Variants in PCDHGA12 observed in about 807,000 individuals in gnomAD.
PCDHGA12 encodes protocadherin gamma subfamily A, 12.
In PCDHGA12, 43 loss-of-function variants were observed where a neutral mutation model predicts 61.1. That is an observed-to-expected ratio of 0.70 (90% CI 0.55 to 0.91). The LOEUF is 0.91. Ranked by LOEUF, PCDHGA12 falls within the 40% of genes least tolerant of loss-of-function variation. The probability of loss-of-function intolerance (pLI) is 0.00; values close to 1 mark genes in which losing one functional copy is unlikely to be tolerated. For synonymous variants in PCDHGA12, 520 were observed against 542.9 expected, an observed-to-expected ratio of 0.96 and a Z score of 0.59; for missense variants, 1,236 against 1,227.7, an observed-to-expected ratio of 1.01 and a Z score of -0.10.
intron 3 of PCDHGA12, among the ~76,000 whole-genome samples, chr5:141,509,335 G>C (rs113423267): frequency 6.6e-6 from 1 of 152,144 alleles, no homozygotes; most frequent in African/African-American, 2.4e-5. Context: ...CTGCCAGCTG[G>C]GCCTGGGCTG....
At chr5:141,494,755 C>T (rs1246224213) in intron 1 of PCDHGA12, 52 bp from the exon 2 acceptor site, 18 of 1,613,724 alleles carry the variant, frequency 1.1e-5, no homozygotes, top group African/African-American at 1.3e-5. Context: ...GCTCGGGTGA[C>T]ATTCTAACTT....
At chr5:141,455,128 T>C (rs2098813900) in intron 1 of PCDHGA12, among the ~76,000 whole-genome samples, 2 of 151,962 alleles carry the variant, frequency 1.3e-5, no homozygotes, top group Admixed American at 6.6e-5. Context: ...ATGTTTTAAA[T>C]TACACTGTGT....
chr5:141,506,207 TTGGGAAGCTGAG>T (rs1487107822), intron 3 of PCDHGA12, among the ~76,000 whole-genome samples: 1 of 152,020 alleles, frequency 6.6e-6, no homozygotes, highest in Non-Finnish European at 1.5e-5. Flanking sequence ...TCCCAGCACT[TTGGGAAGCTGAG>T]GCAGGAGGAT....
chr5:141,500,104 T>G (rs917633032), intron 2 of PCDHGA12, among the ~76,000 whole-genome samples: 4 of 152,124 alleles, frequency 2.6e-5, no homozygotes, highest in Non-Finnish European at 4.4e-5. Flanking sequence ...AATTTATTTG[T>G]TGAATCCCTG....
chr5:141,474,516 T>G (rs999585038), intron 1 of PCDHGA12, among the ~76,000 whole-genome samples: 1 of 152,240 alleles, frequency 6.6e-6, no homozygotes, highest in Non-Finnish European at 1.5e-5. Context: ...GCCCTCTTGC[T>G]GGTCTGGCTA....
Position 141,489,585 on chromosome 5 carries a change from G to C in PCDHGA12, c.2425-5222G>C. The C allele has an allele frequency of 6.2e-7, 1 of 1,614,090 alleles. No individual in the cohort carries two copies. On this transcript the variant is annotated intron_variant, in intron 1 of 3. Transcript: ENST00000252085. This position sits in a 1 kb window ranked among gnomAD's most constrained non-coding sequence, Gnocchi z 4.5. ...AGGTGGTGACTGAACACCCCCTGGA[G>C]CTAATCCGTGTAGAGGTAGAGATCC...
intron 3 of PCDHGA12, among the ~76,000 whole-genome samples, chr5:141,506,402 G>C (rs1032556978): frequency 7.0e-6 from 1 of 143,732 alleles, no homozygotes; most frequent in African/African-American, 2.6e-5. Context: ...GCAGAAAATC[G>C]CACCACTGCA....
Position 141,486,107 on chromosome 5 carries a change from A to T in PCDHGA12, c.2425-8700A>T, listed in dbSNP as rs758269750. ...TCTTTTGGGGCCCCTAGACTTTGAG[A>T]GTGAGAATTACTATGAATTTGATGT... is the stretch of plus-strand genomic sequence containing the variant. On this transcript the variant is annotated intron_variant, in intron 1 of 3. Transcript: ENST00000252085. The surrounding 1 kb of genome is among the most constrained non-coding windows in gnomAD (Gnocchi z 5.0). The T allele has an allele frequency of 6.2e-7, 1 of 1,614,102 alleles. No individual in the cohort carries two copies. Among genetic ancestry groups the T allele is most frequent in the South Asian group, 1.1e-5 (1 of 91,080 alleles).
At chr5:141,496,048 G>A (rs1327057788) in intron 2 of PCDHGA12, among the ~76,000 whole-genome samples, 1 of 148,400 alleles carries the variant, frequency 6.7e-6, no homozygotes, top group Non-Finnish European at 1.5e-5. Context: ...TCATTTTTTT[G>A]TGCTTGTGGG....
At chr5:141,466,095 C>T (rs1170423552) in intron 1 of PCDHGA12, among the ~76,000 whole-genome samples, 1 of 152,038 alleles carries the variant, frequency 6.6e-6, no homozygotes, top group African/African-American at 2.4e-5. Flanking sequence ...GCACTCCAGC[C>T]TGGGCAACAG....
chr5:141,481,622 G>A (rs957374253), intron 1 of PCDHGA12, among the ~76,000 whole-genome samples: 6 of 151,854 alleles, frequency 4.0e-5, no homozygotes, highest in African/African-American at 1.2e-4. Flanking sequence ...GTTCAAGACC[G>A]GCCTGGCCAA....
intron 1 of PCDHGA12, among the ~76,000 whole-genome samples, chr5:141,492,949 A>G (rs1470301496): frequency 6.6e-6 from 1 of 152,226 alleles, no homozygotes; most frequent in African/African-American, 2.4e-5. Flanking sequence ...GGAGGTGACC[A>G]AACTATCTGA....
chr5:141,430,619 A>G lies in PCDHGA12; in HGVS notation c.-141A>G, dbSNP rs192473783. ...CGCCTGAAGCACAAAGCAGATAGCT[A>G]GGAATGAACCATCCCTGGGAGTATG... On this transcript the variant is annotated 5_prime_UTR_variant, in exon 1 of 4. Coordinates refer to ENST00000252085, the MANE Select transcript of PCDHGA12 (RefSeq NM_003735.3). 9.4e-5 allele frequency: 68 copies of G among 720,190 alleles called. 1 individual carries two copies. The African/African-American group carries it at 1.1e-3, about 12-fold the overall frequency. 44.6% of individuals were successfully genotyped at this position (720,190 alleles called of 1,614,324 possible). A position where few individuals can be genotyped will look rare whatever the true frequency, so the allele number is the denominator to read the frequency against.
At chr5:141,465,894 G>A (rs970043849) in intron 1 of PCDHGA12, among the ~76,000 whole-genome samples, 1 of 152,098 alleles carries the variant, frequency 6.6e-6, no homozygotes, top group Non-Finnish European at 1.5e-5. Flanking sequence ...AGGCCGAGGC[G>A]GGCAAATCAC....
chr5:141,431,090 G>C lies in PCDHGA12; in HGVS notation c.331G>C (p.Glu111Gln). Residue 111 changes from glutamate (E) to glutamine (Q), a missense_variant, in exon 1 of 4, where the codon GAG becomes CAG. Transcript: ENST00000252085. The surrounding 1 kb of genome is among the most constrained non-coding windows in gnomAD (Gnocchi z 4.8). ...TCAATTAAATCTAGACATTCTGATG[G>C]AGGATAAAGTGAAAATATATGGAGT... is the stretch of plus-strand genomic sequence containing the variant. ...KCQLNLDILM[E>Q]DKVKIYGVEV... 6.2e-7 allele frequency: 1 copy of C among 1,614,246 alleles called. No homozygotes were observed. The highest frequency in any genetic ancestry group is 8.5e-7 in the Non-Finnish European group (1 of 1,180,032).
intron 1 of PCDHGA12, among the ~76,000 whole-genome samples, chr5:141,482,326 G>T (rs982211258): frequency 6.6e-6 from 1 of 152,072 alleles, no homozygotes. Context: ...AAAATAAAGA[G>T]AATATCTACT....
intron 1 of PCDHGA12, among the ~76,000 whole-genome samples, chr5:141,466,519 C>A (rs1406838553): frequency 6.6e-6 from 1 of 151,864 alleles, no homozygotes; most frequent in Non-Finnish European, 1.5e-5. Flanking sequence ...CATTTTTTTT[C>A]CTCCCAAATT....
chr5:141,439,416 G>T (rs1169961917), intron 1 of PCDHGA12, among the ~76,000 whole-genome samples: 3 of 152,156 alleles, frequency 2.0e-5, no homozygotes, highest in African/African-American at 7.2e-5. Flanking sequence ...CATCACTGAG[G>T]TTATAAATTC....
chr5:141,508,979 G>C (rs1317798009), intron 3 of PCDHGA12, among the ~76,000 whole-genome samples: 1 of 152,110 alleles, frequency 6.6e-6, no homozygotes, highest in Admixed American at 6.5e-5. Context: ...GCTGGGGGTG[G>C]GGGCCAGCTG....
Sources: gnomAD v4.1 joint callset for allele counts (sites outside exome capture counted in the v4.1 genomes callset) on GRCh38, gnomAD v4.1.1 for gene constraint, Gnocchi (gnomAD v3.1) non-coding constraint, MANE v1.5 for transcripts, NCBI Gene and HGNC (gene_info 2026-07-23, HGNC 2026-07-21) for gene names.